SORCS1: variants seen among roughly 807,000 people sequenced by gnomAD.
SORCS1 encodes sortilin related VPS10 domain containing receptor 1.
A neutral mutation model predicts 146.1 loss-of-function variants in SORCS1; 60 were observed. The observed-to-expected ratio is 0.41, with a 90% CI of 0.33 to 0.51. SORCS1 has a LOEUF of 0.51. SORCS1 is among the 20% of genes least tolerant of loss of function. SORCS1 has a pLI of 0.21. For synonymous variants in SORCS1, 637 were observed against 584.0 expected (o/e 1.09, Z -1.31); for missense variants, 1,352 against 1,487.6 (o/e 0.91, Z 1.50).
intron 9 of SORCS1, among the ~76,000 whole-genome samples, chr10:106,695,556 C>G (rs1372041488): frequency 6.6e-6 from 1 of 152,214 alleles, no homozygotes; most frequent in East Asian, 1.9e-4. Context: ...TGTATTCCCT[C>G]TGCCTCCATT....
intron 1 of SORCS1, among the ~76,000 whole-genome samples, chr10:107,017,882 T>A (rs1957965401): frequency 6.6e-6 from 1 of 152,150 alleles, no homozygotes; most frequent in Non-Finnish European, 1.5e-5. Context: ...GTCAGGCTAG[T>A]CTTGAACTCC....
intron 24 of SORCS1, among the ~76,000 whole-genome samples, chr10:106,585,428 A>AC (rs1845171922): frequency 6.6e-6 from 1 of 151,806 alleles, no homozygotes; most frequent in Non-Finnish European, 1.5e-5. Flanking sequence ...AAGCAAAAAT[A>AC]CCCCCCTACA....
At chr10:107,090,567 C>A (rs889049282) in intron 1 of SORCS1, among the ~76,000 whole-genome samples, 1 of 152,018 alleles carries the variant, frequency 6.6e-6, no homozygotes, top group African/African-American at 2.4e-5. Context: ...TATTAAATGA[C>A]AGAAGGTAAT....
rs563712635 is a variant in SORCS1, at chr10:107,125,021, C to T, written c.558+38948G>A. On this transcript the variant is annotated intron_variant, in intron 1 of 25. Transcript: ENST00000263054. ...AGGCTGGAGTGCAGTGGCGCGATCTCGGCTCACTGCAACCTCTGCCTCCCA... is the reference window on the plus strand; with the variant it reads ...AGGCTGGAGTGCAGTGGCGCGATCTTGGCTCACTGCAACCTCTGCCTCCCA... 4.2e-5 allele frequency among the ~76,000 whole-genome samples: 6 copies of T among 144,098 alleles called. No individual in the cohort carries two copies. The East Asian group carries it at 1.0e-3, about 25-fold the overall frequency. The allele number at this position is 144,098 out of a possible 152,430, so 94.5% of individuals were successfully genotyped here.
chr10:107,068,618 C>T (rs1590062239), intron 1 of SORCS1, among the ~76,000 whole-genome samples: 1 of 152,078 alleles, frequency 6.6e-6, no homozygotes, highest in Non-Finnish European at 1.5e-5. Flanking sequence ...TGTAATCCCA[C>T]CACTTTGGGA....
Position 106,795,108 on chromosome 10 carries a change from A to T in SORCS1, c.727-18416T>A, listed in dbSNP as rs116250422. Among the ~76,000 whole-genome samples the T allele has an allele frequency of 8.3e-3, 1,272 of 152,340 alleles. 20 individuals carry two copies. The highest frequency in any genetic ancestry group is 0.028 in the African/African-American group (1,174 of 41,558). On this transcript the variant is annotated intron_variant, in intron 3 of 25. Transcript: ENST00000263054. ...CAATGAATGTAGCATTTTCTAAGTG[A>T]AATTAAAAGTTCTAACACCATAAGA...
At chr10:106,645,181 T>G (rs1440535793) in intron 18 of SORCS1, among the ~76,000 whole-genome samples, 1 of 151,244 alleles carries the variant, frequency 6.6e-6, no homozygotes, top group African/African-American at 2.4e-5. Flanking sequence ...TTTTTTTTTT[T>G]TTTTTGAGAG....
rs537185707 is a variant in SORCS1, at chr10:106,733,473, C to T, written c.960-3359G>A. Among the ~76,000 whole-genome samples, 9 of 152,318 alleles carry T rather than the reference C, an allele frequency of 5.9e-5. No homozygotes were observed. In the South Asian group the frequency reaches 8.3e-4, roughly 14 times the overall value. ...ATGTCTGTATAAGTGCTGATTTTAA[C>T]GGTCCTGTCATTGACCAGATACCTT... On this transcript the variant is annotated intron_variant, in intron 5 of 25. Transcript: ENST00000263054.
chr10:106,640,799 G>A (rs1849024730), intron 18 of SORCS1, among the ~76,000 whole-genome samples: 1 of 152,172 alleles, frequency 6.6e-6, no homozygotes, highest in South Asian at 2.1e-4. Flanking sequence ...ACCTCTCACT[G>A]CATGCTTGGG....
chr10:107,086,093 G>C (rs1015376202), intron 1 of SORCS1, among the ~76,000 whole-genome samples: 2 of 152,328 alleles, frequency 1.3e-5, no homozygotes, highest in Admixed American at 1.3e-4. Flanking sequence ...TCGGGCACTG[G>C]AGAAGCATCT....
intron 23 of SORCS1, among the ~76,000 whole-genome samples, chr10:106,599,377 A>AAAAAAG (rs1275326261): frequency 1.3e-5 from 2 of 151,784 alleles, no homozygotes; most frequent in African/African-American, 4.8e-5. Context: ...CAAAAAAAAA[A>AAAAAAG]AGAGGAGGAG....
chr10:106,863,331 C>T (rs961217082), intron 2 of SORCS1, among the ~76,000 whole-genome samples: 5 of 152,136 alleles, frequency 3.3e-5, no homozygotes, highest in Admixed American at 6.5e-5. Context: ...TCAAGACCAG[C>T]CTGGCCAACA....
the SORCS1 span, among the ~76,000 whole-genome samples, chr10:107,171,331 C>T: frequency 3.3e-5 from 5 of 152,162 alleles, no homozygotes; most frequent in Admixed American, 2.0e-4. Flanking sequence ...GGATAAACTA[C>T]CACCTTCTTA....
chr10:107,149,987 A>C (rs1405312260), intron 1 of SORCS1, among the ~76,000 whole-genome samples: 2 of 152,050 alleles, frequency 1.3e-5, no homozygotes, highest in African/African-American at 4.8e-5. Flanking sequence ...TCCCTTTAAA[A>C]CCTTACCTCC....
intron 5 of SORCS1, among the ~76,000 whole-genome samples, chr10:106,754,906 T>C (rs1233483481): frequency 6.6e-6 from 1 of 152,254 alleles, no homozygotes; most frequent in Non-Finnish European, 1.5e-5. Flanking sequence ...GCCAGCTGTC[T>C]GTATGTCAGA....
At chr10:107,008,135 T>G (rs1338036489) in intron 1 of SORCS1, among the ~76,000 whole-genome samples, 2 of 152,262 alleles carry the variant, frequency 1.3e-5, no homozygotes, top group South Asian at 2.1e-4. Context: ...TTTTCTATAC[T>G]AACATCATAC....
rs148212023 is a variant in SORCS1, at chr10:106,581,078, C to A, written c.3266-1604G>T. 7.9e-4 allele frequency among the ~76,000 whole-genome samples: 120 copies of A among 152,246 alleles called. No individual in the cohort carries two copies. The South Asian group carries it at 8.1e-3, about 10-fold the overall frequency. ...TAGAAAACAAAGCTCTCAATGCCATCGGCAGAGAGGTTCAGAAATTCTTCA... is the reference window on the plus strand; with the variant it reads ...TAGAAAACAAAGCTCTCAATGCCATAGGCAGAGAGGTTCAGAAATTCTTCA... On this transcript the variant is annotated intron_variant, in intron 24 of 25. Transcript: ENST00000263054.
chr10:106,850,177 C>T (rs1304093976), intron 2 of SORCS1, among the ~76,000 whole-genome samples: 1 of 151,790 alleles, frequency 6.6e-6, no homozygotes, highest in Non-Finnish European at 1.5e-5. Context: ...GGGCGCCCCT[C>T]CCCCAGCCTC....
intron 5 of SORCS1, among the ~76,000 whole-genome samples, chr10:106,731,292 CAAAAAAAAAAAAAA>C (rs57238882): frequency 1.9e-3 from 45 of 23,772 alleles, no homozygotes; most frequent in Admixed American, 0.015. Context: ...GACTCCGTCT[CAAAAAAAAAAAAAA>C]AAAAAAAAAA....
Sources: allele counts gnomAD v4.1 joint callset (sites outside exome capture counted in the v4.1 genomes callset), GRCh38; gene constraint gnomAD v4.1.1; transcripts MANE v1.5; gene names NCBI Gene and HGNC (gene_info 2026-07-23, HGNC 2026-07-21).